Variants in FBF1 observed in about 807,000 individuals in gnomAD.
FBF1 encodes Fas binding factor 1.
Under a neutral mutation model 147.2 loss-of-function variants are expected in FBF1, and 119 were observed. The ratio of observed to expected loss-of-function variants is 0.81; its 90% CI spans 0.70 to 0.94. FBF1 has a LOEUF of 0.94. Ranked by LOEUF, FBF1 falls within the 40% of genes least tolerant of loss-of-function variation. The pLI is 0.00. For missense variants in FBF1, 1,449 were observed against 1,500.8 expected, an observed-to-expected ratio of 0.97 and a Z score of 0.57; for synonymous variants, 601 against 609.0, an observed-to-expected ratio of 0.99 and a Z score of 0.19.
chr17:75,912,404 G>A, intron 28 of FBF1, 97 bp from the exon 29 acceptor site: 2 of 880,974 alleles, frequency 2.3e-6, no homozygotes, highest in East Asian at 5.5e-5. Context: ...CCGCCAGTGG[G>A]TGGACCCTGG....
chr17:75,912,110 C>T, intron 29 of FBF1, 82 bp downstream of exon 29: 1 of 1,371,426 alleles, frequency 7.3e-7, no homozygotes, highest in Non-Finnish European at 1.0e-6. Context: ...CTCCCCAGGG[C>T]TACCATGTGC....
At chr17:75,926,483 C>T (rs781482295) in intron 10 of FBF1, 57 bp from the exon 11 acceptor site, 54 of 1,490,256 alleles carry the variant, frequency 3.6e-5, no homozygotes, top group Admixed American at 2.2e-4. Flanking sequence ...ACTGTGATAT[C>T]TGAATGGGGT....
intron 1 of FBF1, among the ~76,000 whole-genome samples, chr17:75,940,306 G>A (rs1022384542): frequency 4.0e-5 from 6 of 151,080 alleles, no homozygotes; most frequent in Non-Finnish European, 7.4e-5. Context: ...GCAGTGGCAC[G>A]ATCACAGCTC....
At position 75,919,593 on chromosome 17, in the gene FBF1, G is replaced by A. The variant is rs967085412; in HGVS notation, c.2138+75C>T. 1.8e-5 allele frequency: 27 copies of A among 1,487,768 alleles called. No individual in the cohort carries two copies. The highest frequency in any genetic ancestry group is 2.3e-4 in the Middle Eastern group (1 of 4,276). 92.2% of individuals were successfully genotyped at this position (1,487,768 alleles called of 1,614,324 possible). On this transcript the variant is annotated intron_variant, in intron 20 of 29. Transcript: ENST00000636174. This position sits in a 1 kb window ranked among gnomAD's most constrained non-coding sequence, Gnocchi z 5.0. ...CCAAAGGCTGCTGAGCCACAGCGAA[G>A]GGTCTCGTGGGGATGGCTCTCTTCC...
Position 75,928,277 on chromosome 17 carries a change from C to T in FBF1, c.280-84G>A, listed in dbSNP as rs1038585872. 7 of 1,024,830 alleles carry T rather than the reference C, an allele frequency of 6.8e-6. No individual in the cohort carries two copies. In the South Asian group the frequency reaches 9.5e-5, roughly 14 times the overall value. The allele number at this position is 1,024,830 out of a possible 1,614,324, so 63.5% of individuals were successfully genotyped here. On this transcript the variant is annotated intron_variant, in intron 7 of 29. Transcript: ENST00000636174. This position sits in a 1 kb window ranked among gnomAD's most constrained non-coding sequence, Gnocchi z 4.2. ...ACCTGAGAGAGATGGGCTGTTGGCA[C>T]CCCAGGTGTAGAATTGTGAGAAAAC...
At chr17:75,938,030 C>A in intron 2 of FBF1, 117 bp downstream of exon 2, 2 of 1,471,566 alleles carry the variant, frequency 1.4e-6, no homozygotes, top group Non-Finnish European at 1.9e-6. Context: ...TCTCCAGGGT[C>A]TCCATCCTGG....
Position 75,910,692 on chromosome 17 carries a change from C to T in FBF1, c.*31G>A, listed in dbSNP as rs1290811550. The T allele has an allele frequency of 6.3e-7, 1 of 1,587,220 alleles. No individual in the cohort carries two copies. Among genetic ancestry groups the T allele is most frequent in the Non-Finnish European group, 8.6e-7 (1 of 1,165,466 alleles). On this transcript the variant is annotated 3_prime_UTR_variant, in exon 30 of 30. Coordinates refer to ENST00000636174, the MANE Select transcript of FBF1 (RefSeq NM_001319193.2). The surrounding 1 kb of genome is among the most constrained non-coding windows in gnomAD (Gnocchi z 4.1). Reference sequence around the variant, plus strand: ...GAACAGGACAGTTCTGGGGTCCGAACCCTCTGTTGGGGAATCGGCTGGGGT... The same window carrying T: ...GAACAGGACAGTTCTGGGGTCCGAATCCTCTGTTGGGGAATCGGCTGGGGT...
intron 1 of FBF1, among the ~76,000 whole-genome samples, chr17:75,939,537 G>A (rs1051992269): frequency 1.3e-5 from 2 of 151,992 alleles, no homozygotes; most frequent in Non-Finnish European, 2.9e-5. Context: ...ATGAACTCTG[G>A]TTACTCTTTG....
At position 75,927,516 on chromosome 17, in the gene FBF1, G is replaced by C. The variant is rs768592388; in HGVS notation, c.414C>G (p.Thr138=). The stretch of plus-strand genomic sequence containing the variant: ...TGCTGGGAGACGGAAGTGACTTCTT[G>C]GTGGGAATGGCACCCCCTGCAGGAA... ...HPKPAGGAIP[T]KKSLPSPSSS... Residue 138 remains threonine (T), a synonymous_variant, in exon 9 of 30, where the codon ACC becomes ACG. Transcript: ENST00000636174. The C allele has an allele frequency of 1.9e-6, 3 of 1,603,088 alleles. No individual in the cohort carries two copies. The highest frequency in any genetic ancestry group is 2.6e-6 in the Non-Finnish European group (3 of 1,175,002).
intron 3 of FBF1, among the ~76,000 whole-genome samples, chr17:75,936,038 C>A (rs1358827843): frequency 6.6e-6 from 1 of 151,568 alleles, no homozygotes; most frequent in Non-Finnish European, 1.5e-5. Flanking sequence ...AATGGCTGGG[C>A]GCGGTGGCTC....
intron 18 of FBF1, 36 bp downstream of exon 18, chr17:75,920,238 C>A: frequency 6.3e-7 from 1 of 1,599,662 alleles, no homozygotes; most frequent in South Asian, 1.1e-5. Context: ...CTGTCGCAAC[C>A]CTGCCACCAG....
chr17:75,927,531 C>T lies in FBF1; in HGVS notation c.399G>A (p.Gly133=), dbSNP rs1252086662. ...GELPNHPKPA[G]GAIPTKKSLP... is the part of the protein sequence containing the mutation. ...GTGACTTCTTGGTGGGAATGGCACCCCCTGCAGGAAGCAGAAGACAAGGTC... is the reference window on the plus strand; with the variant it reads ...GTGACTTCTTGGTGGGAATGGCACCTCCTGCAGGAAGCAGAAGACAAGGTC... Residue 133 remains glycine, a splice_region_variant and synonymous_variant, in exon 9 of 30, where the codon GGG becomes GGA. Coordinates refer to ENST00000636174, the MANE Select transcript of FBF1 (RefSeq NM_001319193.2). 1 of 1,599,214 alleles carries T rather than the reference C, an allele frequency of 6.3e-7. No individual in the cohort carries two copies. Among genetic ancestry groups the T allele is most frequent in the East Asian group, 2.3e-5 (1 of 44,190 alleles).
In FBF1 at chr17:75,919,810, C is replaced by G. The variant is rs189301608; in HGVS notation, c.1996G>C (p.Glu666Gln). ...GACAGATACCGAGCTGACAGCTCTT[C>G]GTTCTCTCTCCGGAGCCGCTCCTCC... ...QREERLRRENEELSARYLSQC... is the reference protein window; with the variant it reads ...QREERLRRENQELSARYLSQC... The change falls in exon 20 of 30, where the codon GAA (glutamate) becomes CAA (glutamine). Residue 666 changes from glutamate to glutamine, a missense_variant. Transcript: ENST00000636174. This position sits in a 1 kb window ranked among gnomAD's most constrained non-coding sequence, Gnocchi z 5.0. 8.3e-5 allele frequency: 134 copies of G among 1,613,670 alleles called. No homozygotes were observed. The highest frequency in any genetic ancestry group is 1.6e-4 in the Middle Eastern group (1 of 6,084).
intron 2 of FBF1, 144 bp from the exon 3 acceptor site, chr17:75,937,737 T>A (rs1421308574): frequency 5.2e-5 from 44 of 846,794 alleles, no homozygotes; most frequent in Non-Finnish European, 2.0e-6. Flanking sequence ...AAGTCCTTTA[T>A]GTGTTCCTAT....
chr17:75,926,520 G>T, intron 10 of FBF1, 94 bp from the exon 11 acceptor site: 1 of 1,450,830 alleles, frequency 6.9e-7, no homozygotes, highest in South Asian at 1.5e-5. Context: ...GCACCTTTGG[G>T]TAGGACGACA....
chr17:75,939,889 T>C (rs1479153286), intron 1 of FBF1: 2 of 152,170 alleles, frequency 1.3e-5, no homozygotes, highest in African/African-American at 2.4e-5. Context: ...TGTCCTGTTA[T>C]TGGAATGCAA....
At chr17:75,929,014 G>A (rs2065578781) in intron 7 of FBF1, among the ~76,000 whole-genome samples, 1 of 148,170 alleles carries the variant, frequency 6.7e-6, no homozygotes, top group African/African-American at 2.5e-5. Context: ...TGAAGACAGA[G>A]TCTCACTCTG....
At chr17:75,921,868 T>C in intron 15 of FBF1, 77 bp downstream of exon 15, 2 of 1,299,354 alleles carry the variant, frequency 1.5e-6, no homozygotes, top group Non-Finnish European at 2.1e-6. Context: ...GAACAGCCTC[T>C]GTGTCCCTCT....
chr17:75,921,397 C>T, intron 16 of FBF1, 75 bp downstream of exon 16: 1 of 1,553,504 alleles, frequency 6.4e-7, no homozygotes, highest in Non-Finnish European at 8.7e-7. Context: ...TCCCAGGGAC[C>T]CCAAAGGAAG....
Sources: allele counts gnomAD v4.1 joint callset (sites outside exome capture counted in the v4.1 genomes callset), GRCh38; gene constraint gnomAD v4.1.1; non-coding constraint Gnocchi (gnomAD v3.1); transcripts MANE v1.5; gene names NCBI Gene and HGNC (gene_info 2026-07-23, HGNC 2026-07-21).